MTMR3: variants seen among roughly 807,000 people sequenced by gnomAD.
The protein encoded by MTMR3 is phosphatidylinositol-3,5-bisphosphate 3-phosphatase MTMR3.
Under a neutral mutation model 132.4 loss-of-function variants are expected in MTMR3, and 32 were observed. That is an observed-to-expected ratio of 0.24 (90% CI 0.18 to 0.32). The LOEUF is 0.32. Among genes scored for constraint, MTMR3 ranks in the 10% least tolerant of loss-of-function variants. MTMR3 has a pLI of 1.00. For missense variants in MTMR3, 1,216 were observed against 1,489.6 expected (o/e 0.82, Z 3.02); for synonymous variants, 556 against 550.3 (o/e 1.01, Z -0.14).
chr22:29,981,113 T>G (rs1392976206), intron 5 of MTMR3: 1 of 152,238 alleles, frequency 6.6e-6, no homozygotes, highest in African/African-American at 2.4e-5. Flanking sequence ...CACTCTTTCT[T>G]TGCTTTGTCT....
At chr22:29,974,597 A>G (rs1469397364) in intron 3 of MTMR3, among the ~76,000 whole-genome samples, 2 of 152,240 alleles carry the variant, frequency 1.3e-5, no homozygotes, top group South Asian at 2.1e-4. Flanking sequence ...CTTTGGTGAT[A>G]CATATTGGTC....
chr22:30,016,431 G>C, intron 14 of MTMR3, 97 bp from the exon 15 acceptor site: 1 of 1,377,482 alleles, frequency 7.3e-7, no homozygotes, highest in Non-Finnish European at 1.0e-6. Context: ...AAATTGAAGT[G>C]TTCTCAGGGA....
At chr22:29,917,512 G>A (rs1298639739) in intron 1 of MTMR3, among the ~76,000 whole-genome samples, 1 of 152,016 alleles carries the variant, frequency 6.6e-6, no homozygotes, top group African/African-American at 2.4e-5. Flanking sequence ...AATTGCACTG[G>A]GATTTGCATT....
rs116283017 is a variant in MTMR3 at position 29,940,514 on chromosome 22, T to C, written c.-137-16522T>C. The stretch of plus-strand genomic sequence containing the variant: ...GGTGGACTCTCTTCACACGGATGCG[T>C]GTGACAATGACTGTACTTTTAACAG... On this transcript the variant is annotated intron_variant, in intron 1 of 19. Coordinates refer to ENST00000401950, the MANE Select transcript of MTMR3 (RefSeq NM_021090.4). Among the ~76,000 whole-genome samples, 766 of 150,244 alleles carry C rather than the reference T, an allele frequency of 5.1e-3. 104 individuals are homozygous for C. Among genetic ancestry groups the C allele is most frequent in the African/African-American group, 0.018 (728 of 39,630 alleles).
intron 12 of MTMR3, chr22:30,011,973 A>G (rs2145949147): frequency 6.5e-6 from 1 of 154,696 alleles, no homozygotes; most frequent in East Asian, 1.9e-4. Flanking sequence ...TGTTGGGCGT[A>G]GTTGCTGATC....
At chr22:29,928,918 G>A (rs532432761) in intron 1 of MTMR3, among the ~76,000 whole-genome samples, 2 of 152,296 alleles carry the variant, frequency 1.3e-5, no homozygotes, top group South Asian at 2.1e-4. Context: ...AGTAGTAGTC[G>A]TAGTATATTG....
chr22:29,896,681 G>A (rs182002593), intron 1 of MTMR3, among the ~76,000 whole-genome samples: 416 of 152,014 alleles, frequency 2.7e-3, no homozygotes, highest in African/African-American at 9.4e-3. Flanking sequence ...CAAAAAATAC[G>A]TTATTAGCAA....
At position 30,012,474 on chromosome 22, in the gene MTMR3, C is replaced by T; in HGVS notation, c.1228C>T (p.Leu410=). The T allele has an allele frequency of 6.2e-7, 1 of 1,614,112 alleles. No individual in the cohort carries two copies. The highest frequency in any genetic ancestry group is 2.2e-5 in the East Asian group (1 of 44,880). The change falls in exon 13 of 20, where the codon CTA becomes TTA. Residue 410 remains leucine (L), a synonymous_variant. Coordinates refer to ENST00000401950, the MANE Select transcript of MTMR3 (RefSeq NM_021090.4). ...HAVDQDQRPV[L]VHCSDGWDRT... ...TGTGGATCAGGATCAGCGGCCGGTGCTAGTACACTGCTCAGATGGCTGGGA... is the reference window on the plus strand; with the variant it reads ...TGTGGATCAGGATCAGCGGCCGGTGTTAGTACACTGCTCAGATGGCTGGGA...
intron 1 of MTMR3, among the ~76,000 whole-genome samples, chr22:29,903,313 C>T (rs1362678060): frequency 1.3e-5 from 2 of 151,990 alleles, no homozygotes; most frequent in Non-Finnish European, 2.9e-5. Flanking sequence ...AACCCTGAGT[C>T]AGACTACAGA....
At chr22:29,973,527 C>G (rs1217696335) in intron 3 of MTMR3, among the ~76,000 whole-genome samples, 1 of 152,188 alleles carries the variant, frequency 6.6e-6, no homozygotes, top group Non-Finnish European at 1.5e-5. Flanking sequence ...CACTTCTACG[C>G]TTTGCAAACA....
chr22:30,016,926 G>C, intron 15 of MTMR3: 1 of 491,476 alleles, frequency 2.0e-6, no homozygotes, highest in Non-Finnish European at 3.5e-6. Flanking sequence ...GTTTAACACA[G>C]ATCTCTACTT....
intron 8 of MTMR3, chr22:30,000,614 A>G (rs2067152848): frequency 6.6e-6 from 1 of 152,182 alleles, no homozygotes; most frequent in African/African-American, 2.4e-5. Flanking sequence ...TTCACTGGAA[A>G]AGCTATAGCT....
intron 14 of MTMR3, chr22:30,015,350 A>G (rs1334883741): frequency 1.3e-5 from 2 of 150,992 alleles, no homozygotes; most frequent in Admixed American, 6.6e-5. Context: ...ATGAGTCACC[A>G]TGCCTGTCCA....
At chr22:30,023,371 T>C in intron 19 of MTMR3, 2 of 1,356,624 alleles carry the variant, frequency 1.5e-6, no homozygotes, top group South Asian at 2.3e-5. Flanking sequence ...ATGATGCTTC[T>C]AGGACATGTA....
rs767417179 is a variant in MTMR3 at position 30,016,558 on chromosome 22, C to T, written c.1534C>T (p.Leu512=). Residue 512 remains leucine, a synonymous_variant, in exon 15 of 20, where the codon CTG becomes TTG. Coordinates refer to ENST00000401950, the MANE Select transcript of MTMR3 (RefSeq NM_021090.4). ...ACTGGTGCAGCATACCTATTCCTGC[C>T]TGTTTGGAACATTCCTGTGCAACAA... is the stretch of plus-strand genomic sequence containing the variant. ...VKLVQHTYSC[L]FGTFLCNNAK... 2 of 1,614,128 alleles carry T rather than the reference C, an allele frequency of 1.2e-6. No homozygotes were observed. Among genetic ancestry groups the T allele is most frequent in the South Asian group, 1.1e-5 (1 of 91,080 alleles).
intron 1 of MTMR3, among the ~76,000 whole-genome samples, chr22:29,930,182 G>T (rs934042088): frequency 6.6e-6 from 1 of 151,916 alleles, no homozygotes; most frequent in African/African-American, 2.4e-5. Context: ...GTATATTTTG[G>T]AAAATATATA....
chr22:29,962,440 G>A (rs1483486918), intron 2 of MTMR3, among the ~76,000 whole-genome samples: 1 of 152,152 alleles, frequency 6.6e-6, no homozygotes, highest in African/African-American at 2.4e-5. Context: ...GCCAAGGTGA[G>A]AGGATTGTTT....
intron 1 of MTMR3, among the ~76,000 whole-genome samples, chr22:29,896,565 T>G (rs1193029761): frequency 6.6e-6 from 1 of 152,058 alleles, no homozygotes. Context: ...AGATGTGTAG[T>G]TGATGTTGTG....
At chr22:29,929,047 A>G (rs966754282) in intron 1 of MTMR3, among the ~76,000 whole-genome samples, 2 of 152,088 alleles carry the variant, frequency 1.3e-5, no homozygotes, top group African/African-American at 2.4e-5. Flanking sequence ...TGGGAGGCCA[A>G]GATAGGTGGA....
Sources: gnomAD v4.1 joint callset for allele counts (sites outside exome capture counted in the v4.1 genomes callset) on GRCh38, gnomAD v4.1.1 for gene constraint, MANE v1.5 for transcripts, NCBI Gene and HGNC (gene_info 2026-07-23, HGNC 2026-07-21) for gene names.